The following MAPKAPK3 variants were observed in gnomAD, a reference collection of about 807,000 sequenced individuals.
MAPKAPK3 encodes MAP kinase-activated protein kinase 3.
A neutral mutation model predicts 49.2 loss-of-function variants in MAPKAPK3; 35 were observed. That is an observed-to-expected ratio of 0.71 (90% CI 0.54 to 0.94). The LOEUF (loss-of-function observed/expected upper bound fraction) is 0.94. Among genes scored for constraint, MAPKAPK3 ranks in the 40% least tolerant of loss-of-function variants. The pLI is 0.00. For synonymous variants in MAPKAPK3, 178 were observed against 188.7 expected (o/e 0.94, Z 0.46); for missense variants, 398 against 493.1 (o/e 0.81, Z 1.83).
chr3:50,611,664 C>T, upstream of MAPKAPK3: 3 of 1,483,264 alleles, frequency 2.0e-6, no homozygotes, highest in Non-Finnish European at 2.7e-6. Context: ...CCCGCGGCAG[C>T]GGCGACTCCG....
upstream of MAPKAPK3, chr3:50,617,112 T>TGG (rs1293236414): frequency 1.1e-3 from 5 of 4,414 alleles, no homozygotes; most frequent in Non-Finnish European, 2.1e-3. Flanking sequence ...GAGGGGGGGG[T>TGG]GGGGAGGGGG....
chr3:50,612,038 T>G, exon 1 of MAPKAPK3: 2 of 228,592 alleles, frequency 8.7e-6, no homozygotes, highest in East Asian at 8.7e-5. Flanking sequence ...CCCCGCGAGC[T>G]GACCAATCGC....
chr3:50,636,238 C>T (rs1297144094), intron 2 of MAPKAPK3, among the ~76,000 whole-genome samples: 2 of 152,230 alleles, frequency 1.3e-5, no homozygotes, highest in African/African-American at 2.4e-5. Context: ...ATGAGGGAGG[C>T]TGCTGGTGTT....
At chr3:50,626,757 G>A (rs1382049143) in intron 2 of MAPKAPK3, among the ~76,000 whole-genome samples, 2 of 152,194 alleles carry the variant, frequency 1.3e-5, no homozygotes, top group African/African-American at 4.8e-5. Flanking sequence ...TGCAGAGACA[G>A]GTTCAGAAAG....
At chr3:50,624,930 T>A (rs1232633298) in intron 2 of MAPKAPK3, among the ~76,000 whole-genome samples, 1 of 152,150 alleles carries the variant, frequency 6.6e-6, no homozygotes, top group Non-Finnish European at 1.5e-5. Context: ...AGCACTGGTG[T>A]TTTCCCTGGA....
rs935316501 is a variant in MAPKAPK3 at position 50,642,274 on chromosome 3, A to T, written c.446A>T (p.Asp149Val). The T allele has an allele frequency of 6.2e-7, 1 of 1,613,506 alleles. No individual in the cohort carries two copies. The change falls in exon 5 of 11, where the codon GAT (aspartate) becomes GTT (valine). Residue 149 changes from aspartate to valine, a missense_variant. By Grantham distance (152) the Asp-to-Val change is radical. Around this residue, in one of 5 missense-constraint regions of MAPKAPK3, gnomAD observed 52 missense variants for 91.9 expected, o/e 0.57. Transcript: ENST00000621469. Reference sequence around the variant, plus strand: ...GCAGAAGCTGCAGAGATAATGCGGGATATTGGCACTGCCATCCAGTTTCTG... The same window carrying T: ...GCAGAAGCTGCAGAGATAATGCGGGTTATTGGCACTGCCATCCAGTTTCTG... ...TEREAAEIMRDIGTAIQFLHS... is the reference protein window; with the variant it reads ...TEREAAEIMRVIGTAIQFLHS...
intron 6 of MAPKAPK3, among the ~76,000 whole-genome samples, chr3:50,645,469 A>G (rs2033268559): frequency 6.6e-6 from 1 of 152,204 alleles, no homozygotes. Flanking sequence ...TGAGACTGGT[A>G]GAGGGGCTCA....
At chr3:50,631,785 A>G (rs1452408747) in intron 2 of MAPKAPK3, among the ~76,000 whole-genome samples, 1 of 152,236 alleles carries the variant, frequency 6.6e-6, no homozygotes, top group Non-Finnish European at 1.5e-5. Flanking sequence ...CTGTAAGAAT[A>G]GGGGTTCCCA....
intron 5 of MAPKAPK3, among the ~76,000 whole-genome samples, chr3:50,642,997 G>A (rs1290390035): frequency 3.9e-5 from 6 of 152,100 alleles, no homozygotes; most frequent in African/African-American, 9.7e-5. Flanking sequence ...GACTACAGGC[G>A]CACACCACCA....
rs143980632 is a variant in MAPKAPK3, at chr3:50,640,426, G to A, written c.280G>A (p.Gly94Ser). 15 of 1,613,964 alleles carry A rather than the reference G, an allele frequency of 9.3e-6. No homozygotes were observed. The highest frequency in any genetic ancestry group is 4.5e-5 in the East Asian group (2 of 44,900). The change falls in exon 3 of 11, where the codon GGC becomes AGC. Residue 94 changes from glycine (G) to serine (S), a missense_variant. Coordinates refer to ENST00000621469, the MANE Select transcript of MAPKAPK3 (RefSeq NM_001243925.2). ...EVDHHWQASGGPHIVCILDVY... is the reference protein window; with the variant it reads ...EVDHHWQASGSPHIVCILDVY... ...AGACCATCACTGGCAGGCTTCTGGC[G>A]GCCCCCATATTGTCTGCATCCTGGA...
intron 2 of MAPKAPK3, among the ~76,000 whole-genome samples, chr3:50,632,610 A>T (rs1218289364): frequency 6.6e-6 from 1 of 152,254 alleles, no homozygotes; most frequent in South Asian, 2.1e-4. Context: ...GTGAGTTGTC[A>T]CAAAATCCAG....
At position 50,641,444 on chromosome 3, in the gene MAPKAPK3, G is replaced by A. The variant is rs528711228; in HGVS notation, c.360-263G>A. On this transcript the variant is annotated intron_variant, in intron 3 of 10. Transcript: ENST00000621469. ...AAGCCCTCACAGTCAGGTAGGGGCC[G>A]TGCCACTGGGAACACACAGGCTTCT... Among the ~76,000 whole-genome samples the A allele has an allele frequency of 8.5e-5, 13 of 152,294 alleles. No homozygotes were observed. The South Asian group carries it at 1.0e-3, about 12-fold the overall frequency.
chr3:50,611,823 A>G, upstream of MAPKAPK3: 2 of 826,538 alleles, frequency 2.4e-6, no homozygotes, highest in Non-Finnish European at 3.4e-6. Flanking sequence ...GGCGGGCCAG[A>G]CGAGCGGGGC....
intron 2 of MAPKAPK3, among the ~76,000 whole-genome samples, chr3:50,628,126 A>G (rs1365445562): frequency 6.6e-6 from 1 of 152,142 alleles, no homozygotes; most frequent in Non-Finnish European, 1.5e-5. Context: ...CATCTCCTCC[A>G]GGCGAGAGAG....
chr3:50,625,098 T>C (rs1298228805), intron 2 of MAPKAPK3, among the ~76,000 whole-genome samples: 3 of 152,200 alleles, frequency 2.0e-5, no homozygotes, highest in Non-Finnish European at 4.4e-5. Context: ...GGCAGTTTCA[T>C]AATCTTTTGC....
chr3:50,617,821 A>AG, intron 2 of MAPKAPK3, 37 bp downstream of exon 2: 1 of 1,539,626 alleles, frequency 6.5e-7, no homozygotes, highest in Non-Finnish European at 9.0e-7. Flanking sequence ...GGTATCCTGG[A>AG]GGGTCCACAG....
chr3:50,638,243 G>C (rs1441364466), intron 2 of MAPKAPK3, among the ~76,000 whole-genome samples: 1 of 152,098 alleles, frequency 6.6e-6, no homozygotes, highest in Admixed American at 6.5e-5. Flanking sequence ...GCAGGGGGAG[G>C]GGGAGGAGGC....
rs1258803458 is a variant in MAPKAPK3, at chr3:50,646,750, G to C, written c.840G>C (p.Leu280=). 1 of 1,614,048 alleles carries C rather than the reference G, an allele frequency of 6.2e-7. No homozygotes were observed. ...CCCTGGCCCCCCTAGCCAAGCAGCTGATCCGCCTCCTGTTGAAGACAGACC... is the reference window on the plus strand; with the variant it reads ...CCCTGGCCCCCCTAGCCAAGCAGCTCATCCGCCTCCTGTTGAAGACAGACC... ...WSEVSEDAKQ[L]IRLLLKTDPT... The change falls in exon 9 of 11, where the codon CTG becomes CTC. Residue 280 remains leucine (L), a synonymous_variant. Coordinates refer to ENST00000621469, the MANE Select transcript of MAPKAPK3 (RefSeq NM_001243925.2).
chr3:50,616,979 C>G (rs2032479375), upstream of MAPKAPK3, among the ~76,000 whole-genome samples: 1 of 151,936 alleles, frequency 6.6e-6, no homozygotes, highest in South Asian at 2.1e-4. Context: ...GCCACGCCTC[C>G]TATTTTGTTC....
Sources: gnomAD v4.1 joint callset for allele counts (sites outside exome capture counted in the v4.1 genomes callset) on GRCh38, gnomAD v4.1.1 for gene constraint, gnomAD v4.1.1 regional missense constraint, MANE v1.5 for transcripts, NCBI Gene and HGNC (gene_info 2026-07-23, HGNC 2026-07-21) for gene names.